The following MAX variants were observed in gnomAD, a reference collection of about 807,000 sequenced individuals.
MAX encodes protein max.
A neutral mutation model predicts 22.3 loss-of-function variants in MAX; 3 were observed. The observed-to-expected ratio is 0.13, with a 90% confidence interval of 0.06 to 0.35. The LOEUF (loss-of-function observed/expected upper bound fraction) is 0.35. Among genes scored for constraint, MAX ranks in the 10% least tolerant of loss-of-function variants. The pLI, the probability that MAX is intolerant of heterozygous loss-of-function variation, is 1.00. For synonymous variants in MAX, 72 were observed against 77.7 expected (o/e 0.93, Z 0.39); for missense variants, 119 against 209.4 (o/e 0.57, Z 2.66).
intron 2 of MAX, among the ~76,000 whole-genome samples, chr14:65,100,786 C>CA (rs2063809448): frequency 6.6e-6 from 1 of 152,180 alleles, no homozygotes; most frequent in African/African-American, 2.4e-5. Flanking sequence ...ATTACTGTCT[C>CA]AGACTCCAAA....
Position 65,076,359 on chromosome 14 carries a change from G to A in MAX, c.*117C>T, listed in dbSNP as rs183519331. The A allele has an allele frequency of 3.8e-6, 6 of 1,559,418 alleles. No homozygotes were observed. The African/African-American group carries it at 8.3e-5, about 22-fold the overall frequency. On this transcript the variant is annotated 3_prime_UTR_variant, in exon 5 of 5. Coordinates refer to ENST00000358664, the MANE Select transcript of MAX (RefSeq NM_002382.5). This position sits in a 1 kb window ranked among gnomAD's most constrained non-coding sequence, Gnocchi z 6.6. ...AAAAATAAAAATTTAAAAAAAAAAG[G>A]GAGAAAGAGAAAAATAAAGAGTCTC...
chr14:65,018,607 C>T (rs1331581335), intron 3 of MAX, among the ~76,000 whole-genome samples: 1 of 151,286 alleles, frequency 6.6e-6, no homozygotes, highest in Non-Finnish European at 1.5e-5. Context: ...ATCAAGAGTT[C>T]GAGACCAGCC....
At chr14:65,102,026 G>A (rs926034150) in intron 1 of MAX, among the ~76,000 whole-genome samples, 1 of 152,208 alleles carries the variant, frequency 6.6e-6, no homozygotes, top group Non-Finnish European at 1.5e-5. Context: ...CTGAGCCGGG[G>A]AAGGTGGGAG....
chr14:65,066,993 T>C (rs986890531), intron 3 of MAX, among the ~76,000 whole-genome samples: 4 of 147,072 alleles, frequency 2.7e-5, no homozygotes, highest in African/African-American at 1.0e-4. Flanking sequence ...CTGAGCGACA[T>C]AGCCACACTC....
Position 65,077,626 on chromosome 14 carries a change from C to A in MAX, c.295+287G>T. On this transcript the variant is annotated intron_variant, in intron 4 of 4. Transcript: ENST00000358664. The surrounding 1 kb of genome is among the most constrained non-coding windows in gnomAD (Gnocchi z 6.3). The stretch of plus-strand genomic sequence containing the variant: ...AGACACCTGATGCCAGGTGTGATCC[C>A]TACTGCAGGCAGAGCACCTGAGCCC... The A allele has an allele frequency of 8.5e-7, 1 of 1,179,946 alleles. No homozygotes were observed. The highest frequency in any genetic ancestry group is 1.2e-6 in the Non-Finnish European group (1 of 815,128). The allele number at this position is 1,179,946 out of a possible 1,614,324, so 73.1% of individuals were successfully genotyped here. A position where few individuals can be genotyped will look rare whatever the true frequency, so the allele number is the denominator to read the frequency against.
rs547988037 is a variant in MAX at position 65,062,018 on chromosome 14, T to C, written c.171+31690A>G. 4 of 152,776 alleles carry C rather than the reference T, an allele frequency of 2.6e-5. No individual in the cohort carries two copies. The East Asian group carries it at 7.7e-4, about 29-fold the overall frequency. The allele number at this position is 152,776 out of a possible 1,614,324, so 9.5% of individuals were successfully genotyped here. On this transcript the variant is annotated intron_variant, in intron 3 of 3. Coordinates refer to the MAX transcript ENST00000341653. The surrounding 1 kb of genome is among the most constrained non-coding windows in gnomAD (Gnocchi z 4.3). Reference sequence around the variant, plus strand: ...TGACTTAGACCTAGGAAACCAATTATGAGTGGAAAGTGACCCTCTAGTTCA... The same window carrying C: ...TGACTTAGACCTAGGAAACCAATTACGAGTGGAAAGTGACCCTCTAGTTCA...
chr14:65,072,799 G>A (rs2063003110), downstream of MAX, among the ~76,000 whole-genome samples: 1 of 152,192 alleles, frequency 6.6e-6, no homozygotes, highest in South Asian at 2.1e-4. Flanking sequence ...CCTCACTCGA[G>A]TTGACACCAG....
intron 3 of MAX, among the ~76,000 whole-genome samples, chr14:65,060,917 A>C (rs1044207907): frequency 2.0e-5 from 3 of 150,462 alleles, no homozygotes; most frequent in Non-Finnish European, 2.9e-5. Context: ...AGTATTGTAC[A>C]TACTGTTTTC....
chr14:65,088,803 A>G lies in MAX; in HGVS notation c.171+4905T>C, dbSNP rs888125997. ...GCAGACAGTCATTTAATAATCACAC[A>G]AATATATATAAAACCTCATATATTA... On this transcript the variant is annotated intron_variant, in intron 3 of 4. Coordinates refer to ENST00000358664, the MANE Select transcript of MAX (RefSeq NM_002382.5). The surrounding 1 kb of genome is among the most constrained non-coding windows in gnomAD (Gnocchi z 5.2). Among the ~76,000 whole-genome samples, 1 of 152,230 alleles carries G rather than the reference A, an allele frequency of 6.6e-6. No homozygotes were observed. The highest frequency in any genetic ancestry group is 1.5e-5 in the Non-Finnish European group (1 of 68,040).
rs139367167 is a variant in MAX at position 65,101,426 on chromosome 14, G to A, written c.63+120C>T. ...GAACCAGGCCCCACCTCACCTTAGTGGTTAACATTAGAGTTTACTACAATA... is the reference window on the plus strand; with the variant it reads ...GAACCAGGCCCCACCTCACCTTAGTAGTTAACATTAGAGTTTACTACAATA... On this transcript the variant is annotated intron_variant, in intron 2 of 4. Transcript: ENST00000358664. 51 of 921,578 alleles carry A rather than the reference G, an allele frequency of 5.5e-5. No homozygotes were observed. The African/African-American group carries it at 6.7e-4, about 12-fold the overall frequency. 57.1% of individuals were successfully genotyped at this position (921,578 alleles called of 1,614,324 possible).
Position 65,077,328 on chromosome 14 carries a change from C to G in MAX, c.295+585G>C, listed in dbSNP as rs1312417949. On this transcript the variant is annotated intron_variant, in intron 4 of 4. Coordinates refer to ENST00000358664, the MANE Select transcript of MAX (RefSeq NM_002382.5). This position sits in a 1 kb window ranked among gnomAD's most constrained non-coding sequence, Gnocchi z 6.3. ...TTTATTTTATTTGAGGTTTTCTAACCCAGGTGGTTACTTGCATTTCCTTTT... is the reference window on the plus strand; with the variant it reads ...TTTATTTTATTTGAGGTTTTCTAACGCAGGTGGTTACTTGCATTTCCTTTT... 6.3e-7 allele frequency: 1 copy of G among 1,575,600 alleles called. No homozygotes were observed. The highest frequency in any genetic ancestry group is 8.7e-7 in the Non-Finnish European group (1 of 1,145,408).
intron 3 of MAX, among the ~76,000 whole-genome samples, chr14:65,046,948 A>G (rs1273958840): frequency 2.6e-5 from 4 of 152,226 alleles, no homozygotes; most frequent in Non-Finnish European, 1.5e-5. Context: ...GGGAAATTCT[A>G]CAAACAAAAC....
chr14:65,076,826 C>T lies in MAX; in HGVS notation c.296-163G>A, dbSNP rs2063070791. On this transcript the variant is annotated intron_variant, in intron 4 of 4. Transcript: ENST00000358664. This position sits in a 1 kb window ranked among gnomAD's most constrained non-coding sequence, Gnocchi z 6.6. ...CCCTTCGGGTGGCTGTTCACTCACA[C>T]ACTTCATTTCCCTCCCGCCTTTCCC... is the stretch of plus-strand genomic sequence containing the variant. The T allele has an allele frequency of 4.0e-6, 3 of 746,234 alleles. No homozygotes were observed. Among genetic ancestry groups the T allele is most frequent in the Non-Finnish European group, 7.0e-6 (3 of 425,730 alleles). The allele number at this position is 746,234 out of a possible 1,614,324, so 46.2% of individuals were successfully genotyped here.
intron 2 of MAX, 65 bp downstream of exon 2, chr14:65,101,481 C>A: frequency 7.2e-7 from 1 of 1,387,530 alleles, no homozygotes; most frequent in South Asian, 1.2e-5. Context: ...CTCTTTTTCT[C>A]TCTGACCCCA....
At chr14:65,101,345 T>G (rs1471910397) in intron 2 of MAX, among the ~76,000 whole-genome samples, 1 of 152,210 alleles carries the variant, frequency 6.6e-6, no homozygotes, top group African/African-American at 2.4e-5. Flanking sequence ...CTAGAATCAC[T>G]GAACTTATCA....
At chr14:65,021,710 A>G (rs2061888864) in intron 3 of MAX, among the ~76,000 whole-genome samples, 1 of 152,094 alleles carries the variant, frequency 6.6e-6, no homozygotes, top group African/African-American at 2.4e-5. Context: ...CACTGGTGCA[A>G]TCTCAGCTCA....
intron 3 of MAX, among the ~76,000 whole-genome samples, chr14:65,052,055 A>C (rs2062628092): frequency 6.6e-6 from 1 of 152,122 alleles, no homozygotes; most frequent in Non-Finnish European, 1.5e-5. Flanking sequence ...TCAGCCTCCC[A>C]AAGTGCTGGG....
At position 65,084,425 on chromosome 14, in the gene MAX, C is replaced by T. The variant is rs1457161374; in HGVS notation, c.172-6389G>A. 6.0e-6 allele frequency: 4 copies of T among 668,838 alleles called. No individual in the cohort carries two copies. Among genetic ancestry groups the T allele is most frequent in the East Asian group, 5.6e-5 (2 of 35,840 alleles). 41.4% of individuals were successfully genotyped at this position (668,838 alleles called of 1,614,324 possible). ...AAAAAAAATTCCAGTGATAATGAAA[C>T]TGGTACTCTCAAAACACTACCAAAA... is the stretch of plus-strand genomic sequence containing the variant. On this transcript the variant is annotated intron_variant, in intron 3 of 4. Coordinates refer to ENST00000358664, the MANE Select transcript of MAX (RefSeq NM_002382.5). This position sits in a 1 kb window ranked among gnomAD's most constrained non-coding sequence, Gnocchi z 4.3.
intron 3 of MAX, among the ~76,000 whole-genome samples, chr14:65,063,190 C>T (rs1050289853): frequency 6.6e-6 from 1 of 152,214 alleles, no homozygotes; most frequent in Admixed American, 6.5e-5. Flanking sequence ...GCCAAATGCA[C>T]ATCCAGGAAT....
Sources: allele counts gnomAD v4.1 joint callset (sites outside exome capture counted in the v4.1 genomes callset), GRCh38; gene constraint gnomAD v4.1.1; non-coding constraint Gnocchi (gnomAD v3.1); transcripts MANE v1.5; gene names NCBI Gene and HGNC (gene_info 2026-07-23, HGNC 2026-07-21).